Variants in SH3RF2 observed in about 807,000 individuals in gnomAD.
SH3RF2 encodes SH3 domain containing ring finger 2.
A neutral mutation model predicts 59.0 loss-of-function variants in SH3RF2; 43 were observed. That is an observed-to-expected ratio of 0.73 (90% CI 0.57 to 0.94). The LOEUF is 0.94. Ranked by LOEUF, SH3RF2 falls within the 40% of genes least tolerant of loss-of-function variation. The pLI, the probability that SH3RF2 is intolerant of heterozygous loss-of-function variation, is 0.00. For missense variants in SH3RF2, 930 were observed against 940.1 expected, an observed-to-expected ratio of 0.99 and a Z score of 0.14; for synonymous variants, 391 against 391.5, an observed-to-expected ratio of 1.00 and a Z score of 0.01.
chr5:145,975,078 C>T (rs1759237162), intron 2 of SH3RF2, among the ~76,000 whole-genome samples: 1 of 152,184 alleles, frequency 6.6e-6, no homozygotes, highest in Admixed American at 6.5e-5. Flanking sequence ...ACACCTGGCT[C>T]ATCCAGGCAG....
intron 5 of SH3RF2, among the ~76,000 whole-genome samples, chr5:146,044,556 G>A (rs1033520696): frequency 1.3e-5 from 2 of 152,170 alleles, no homozygotes; most frequent in Admixed American, 1.3e-4. Flanking sequence ...ATCATCTTCT[G>A]TGGTATCTGT....
intron 5 of SH3RF2, among the ~76,000 whole-genome samples, chr5:146,027,614 G>A (rs1448483199): frequency 1.3e-5 from 2 of 152,232 alleles, no homozygotes; most frequent in African/African-American, 4.8e-5. Context: ...TGCTAGTGAG[G>A]TTCAATTATG....
chr5:145,937,542 G>A (rs1254827763), intron 1 of SH3RF2, among the ~76,000 whole-genome samples: 1 of 152,122 alleles, frequency 6.6e-6, no homozygotes, highest in Non-Finnish European at 1.5e-5. Flanking sequence ...TGGTAGAGAG[G>A]GGTTGGGGGG....
At chr5:146,001,190 ACTT>A (rs1760393520) in intron 3 of SH3RF2, among the ~76,000 whole-genome samples, 2 of 152,242 alleles carry the variant, frequency 1.3e-5, no homozygotes, top group African/African-American at 4.8e-5. Flanking sequence ...AGTCTACACT[ACTT>A]TAACTATCTG....
At chr5:145,976,868 T>C (rs148118541) in intron 2 of SH3RF2, among the ~76,000 whole-genome samples, 23 of 152,372 alleles carry the variant, frequency 1.5e-4, no homozygotes, top group African/African-American at 5.3e-4. Flanking sequence ...AGTCCTGTTG[T>C]TTCGGTTAGA....
chr5:145,962,827 T>C (rs1758681143), intron 2 of SH3RF2, among the ~76,000 whole-genome samples: 1 of 152,012 alleles, frequency 6.6e-6, no homozygotes, highest in African/African-American at 2.4e-5. Flanking sequence ...TGGCATCTAT[T>C]TCTTATCTGT....
chr5:145,959,615 A>ACG (rs1758550191), intron 2 of SH3RF2, among the ~76,000 whole-genome samples: 2 of 145,412 alleles, frequency 1.4e-5, no homozygotes. Flanking sequence ...CTATATATAT[A>ACG]TGTGTGTGTG....
At chr5:146,023,316 C>T (rs1237717180) in intron 5 of SH3RF2, among the ~76,000 whole-genome samples, 3 of 152,084 alleles carry the variant, frequency 2.0e-5, no homozygotes, top group Admixed American at 2.0e-4. Context: ...TCAAGTGGTC[C>T]TCCCACCTCA....
At chr5:146,080,083 G>T (rs1763399309) in exon 10 of SH3RF2, 1 of 152,164 alleles carries the variant, frequency 6.6e-6, no homozygotes, top group African/African-American at 2.4e-5. Context: ...TTAAAACACA[G>T]CATACAGATT....
rs1485929334 is a variant in SH3RF2 at position 146,023,172 on chromosome 5, A to T, written c.1059+9111A>T. ...TACTGGTTGCATTTTTGCAGTGATA[A>T]TACATTCCTCTCTAGCCCATACATT... On this transcript the variant is annotated intron_variant, in intron 5 of 9. Coordinates refer to ENST00000359120, the MANE Select transcript of SH3RF2 (RefSeq NM_152550.4). 2.0e-5 allele frequency among the ~76,000 whole-genome samples: 3 copies of T among 151,516 alleles called. No homozygotes were observed. In the East Asian group the frequency reaches 5.8e-4, roughly 29 times the overall value.
At chr5:145,956,298 G>T (rs1758403094) in intron 2 of SH3RF2, among the ~76,000 whole-genome samples, 1 of 151,974 alleles carries the variant, frequency 6.6e-6, no homozygotes, top group East Asian at 1.9e-4. Flanking sequence ...TTATTTTTGA[G>T]ACAGAGTGAG....
At chr5:145,936,836 C>T (rs1006641015) in intron 1 of SH3RF2, 142 bp downstream of exon 1, 1 of 152,268 alleles carries the variant, frequency 6.6e-6, no homozygotes, top group Admixed American at 6.5e-5. Context: ...CTGGCCTTCT[C>T]GCCAAACCTC....
At chr5:145,974,748 G>A (rs1759223038) in intron 2 of SH3RF2, among the ~76,000 whole-genome samples, 1 of 152,144 alleles carries the variant, frequency 6.6e-6, no homozygotes, top group Non-Finnish European at 1.5e-5. Flanking sequence ...TATAGCCCAA[G>A]CTTTACCTAC....
In SH3RF2 at chr5:146,013,943, C is replaced by T. The variant is rs1253489991; in HGVS notation, c.941C>T (p.Ser314Phe). ...AACACTCTCAACCGGATGGTCCATT[C>T]TCCTTCAGGGCGCCATATGGTAGAG... ...ALNTLNRMVH[S>F]PSGRHMVEIS... The change falls in exon 5 of 10, where the codon TCT becomes TTT. Residue 314 changes from serine (S) to phenylalanine (F), a missense_variant. Coordinates refer to ENST00000359120, the MANE Select transcript of SH3RF2 (RefSeq NM_152550.4). The T allele has an allele frequency of 6.2e-7, 1 of 1,614,152 alleles. No individual in the cohort carries two copies. Among genetic ancestry groups the T allele is most frequent in the Admixed American group, 1.7e-5 (1 of 60,022 alleles).
At chr5:146,044,746 C>G (rs1400302673) in intron 5 of SH3RF2, among the ~76,000 whole-genome samples, 1 of 152,114 alleles carries the variant, frequency 6.6e-6, no homozygotes. Context: ...TCCACTATCT[C>G]CCCCTCACCC....
rs941918388 is a variant in SH3RF2, at chr5:146,072,762, T to C, written c.*34-5698T>C. Among the ~76,000 whole-genome samples, 6 of 152,220 alleles carry C rather than the reference T, an allele frequency of 3.9e-5. No individual in the cohort carries two copies. In the South Asian group the frequency reaches 1.2e-3, roughly 32 times the overall value. On this transcript the variant is annotated intron_variant, in intron 9 of 9. Coordinates refer to the SH3RF2 transcript ENST00000511217. ...GTGAATCCCTTAGAGGGTTTGTAAC[T>C]ACAGGGTTGCTAAGAGCCCAGTAGA...
intron 2 of SH3RF2, among the ~76,000 whole-genome samples, chr5:145,952,900 C>T (rs1218244662): frequency 6.6e-6 from 1 of 152,154 alleles, no homozygotes; most frequent in Non-Finnish European, 1.5e-5. Context: ...GACCTTAGAA[C>T]TGTGCTGGCC....
chr5:146,050,992 T>C (rs2150016300), intron 7 of SH3RF2, among the ~76,000 whole-genome samples: 1 of 152,284 alleles, frequency 6.6e-6, no homozygotes, highest in Middle Eastern at 3.4e-3. Context: ...CCTAACACTT[T>C]GGGAGGCTGA....
At position 146,039,487 on chromosome 5, in the gene SH3RF2, G is replaced by GA. The variant is rs113958527; in HGVS notation, c.1060-8274dup. Among the ~76,000 whole-genome samples the GA allele has an allele frequency of 7.7e-3, 1,080 of 139,392 alleles. 5 individuals are homozygous for GA. Among genetic ancestry groups the GA allele is most frequent in the Non-Finnish European group, 9.4e-3 (598 of 63,762 alleles). The allele number at this position is 139,392 out of a possible 152,430, so 91.4% of individuals were successfully genotyped here. A position where few individuals can be genotyped will look rare whatever the true frequency, so the allele number is the denominator to read the frequency against. On this transcript the variant is annotated intron_variant, in intron 5 of 9. Transcript: ENST00000359120. The stretch of plus-strand genomic sequence containing the variant: ...TAACAAGAATGGCCCATAAATATTT[G>GA]AAAAAAAAAAACAAACTAAAGCTCA...
Sources: gnomAD v4.1 joint callset for allele counts (sites outside exome capture counted in the v4.1 genomes callset) on GRCh38, gnomAD v4.1.1 for gene constraint, MANE v1.5 for transcripts, NCBI Gene and HGNC (gene_info 2026-07-23, HGNC 2026-07-21) for gene names.